PRKN: variants seen among roughly 807,000 people sequenced by gnomAD.
PRKN encodes E3 ubiquitin-protein ligase parkin.
In PRKN, 56 loss-of-function variants were observed where a neutral mutation model predicts 59.5. The observed-to-expected ratio is 0.94, with a 90% CI of 0.76 to 1.18. PRKN has a LOEUF of 1.18. Ranked by LOEUF, PRKN falls within the 50% of genes most tolerant of loss-of-function variation. PRKN has a pLI of 0.00. For synonymous variants in PRKN, 250 were observed against 222.1 expected (o/e 1.13, Z -1.12); for missense variants, 657 against 596.4 (o/e 1.10, Z -1.06).
chr6:161,449,794 A>G (rs1230606010), intron 9 of PRKN, among the ~76,000 whole-genome samples: 1 of 152,184 alleles, frequency 6.6e-6, no homozygotes, highest in Non-Finnish European at 1.5e-5. Context: ...AATGACATTC[A>G]TGGTTATTGT....
In PRKN at chr6:161,785,823, C is replaced by T. The variant is rs1285127997; in HGVS notation, c.820G>A (p.Asp274Asn). 1.2e-6 allele frequency: 2 copies of T among 1,614,152 alleles called. No individual in the cohort carries two copies. The highest frequency in any genetic ancestry group is 1.7e-6 in the Non-Finnish European group (2 of 1,180,010). The change falls in exon 7 of 12, where the codon GAT becomes AAT. Residue 274 changes from aspartate to asparagine, a missense_variant. By Grantham distance (23) the Asp-to-Asn change is conservative (BLOSUM62 1). Coordinates refer to ENST00000366898, the MANE Select transcript of PRKN (RefSeq NM_004562.3). ...FHLYCVTRLN[D>N]RQFVHDPQLG... ...TGAGGGTCGTGAACAAACTGCCGAT[C>T]ATTGAGTCTTGTCACACAGTATAAG...
rs997374136 is a variant in PRKN, at chr6:161,460,789, C to T, written c.1084-73912G>A. On this transcript the variant is annotated intron_variant, in intron 9 of 11. Coordinates refer to ENST00000366898, the MANE Select transcript of PRKN (RefSeq NM_004562.3). The surrounding 1 kb of genome is among the most constrained non-coding windows in gnomAD (Gnocchi z 5.0). ...TTCTTCAGATGGAGTCTCGTTCTGT[C>T]GCCAGGCTGGAGTGCAGTGTCACAA... Among the ~76,000 whole-genome samples, 2 of 150,394 alleles carry T rather than the reference C, an allele frequency of 1.3e-5. No individual in the cohort carries two copies. The highest frequency in any genetic ancestry group is 4.9e-5 in the African/African-American group (2 of 40,844).
At chr6:162,006,478 C>G (rs1782259379) in intron 5 of PRKN, among the ~76,000 whole-genome samples, 1 of 152,172 alleles carries the variant, frequency 6.6e-6, no homozygotes. Context: ...TGACTATCCT[C>G]TAGTGTTCCA....
intron 1 of PRKN, among the ~76,000 whole-genome samples, chr6:162,614,735 T>G (rs1279019507): frequency 6.6e-6 from 1 of 152,184 alleles, no homozygotes; most frequent in Non-Finnish European, 1.5e-5. Context: ...ATTTTCCAGA[T>G]TTGTGAACTC....
chr6:162,472,209 CT>C (rs10577864), intron 1 of PRKN, among the ~76,000 whole-genome samples: 10 of 151,248 alleles, frequency 6.6e-5, no homozygotes, highest in African/African-American at 2.2e-4. Context: ...CAAACTCAAA[CT>C]TTTTTTTTAT....
intron 4 of PRKN, among the ~76,000 whole-genome samples, chr6:162,076,091 C>A (rs570460054): frequency 7.3e-4 from 111 of 151,770 alleles, no homozygotes; most frequent in African/African-American, 2.5e-3. Flanking sequence ...GCCTCAACCT[C>A]CCTAGTAGCT....
At chr6:162,567,886 C>T (rs1162776924) in intron 1 of PRKN, among the ~76,000 whole-genome samples, 4 of 152,086 alleles carry the variant, frequency 2.6e-5, no homozygotes, top group Non-Finnish European at 5.9e-5. Flanking sequence ...CTATTGTAAG[C>T]AAAACAGCAT....
At position 161,350,624 on chromosome 6, in the gene PRKN, T is replaced by A. The variant is rs1186756421; in HGVS notation, c.1286-413A>T. 7.0e-5 allele frequency among the ~76,000 whole-genome samples: 8 copies of A among 114,818 alleles called. 1 individual carries two copies. Among genetic ancestry groups the A allele is most frequent in the East Asian group, 2.3e-4 (1 of 4,294 alleles). The allele number at this position is 114,818 out of a possible 152,430, so 75.3% of individuals were successfully genotyped here. A position where few individuals can be genotyped will look rare whatever the true frequency, so the allele number is the denominator to read the frequency against. ...ATATTTATATTTAAAATATATATATTTTTATATATTTATATTTAAAATATA... is the reference window on the plus strand; with the variant it reads ...ATATTTATATTTAAAATATATATATATTTATATATTTATATTTAAAATATA... On this transcript the variant is annotated intron_variant, in intron 11 of 11. Coordinates refer to ENST00000366898, the MANE Select transcript of PRKN (RefSeq NM_004562.3).
chr6:162,459,422 T>C (rs1235012315), intron 1 of PRKN, among the ~76,000 whole-genome samples: 2 of 152,172 alleles, frequency 1.3e-5, no homozygotes, highest in African/African-American at 4.8e-5. Context: ...TTTAATGAAA[T>C]TGTCAGTTAG....
intron 4 of PRKN, among the ~76,000 whole-genome samples, chr6:162,199,845 C>CA (rs899418831): frequency 1.2e-4 from 18 of 152,212 alleles, no homozygotes; most frequent in African/African-American, 4.3e-4. Context: ...TTAGGTGGAT[C>CA]TTTTGAGTTC....
rs115037498 is a variant in PRKN, at chr6:161,479,260, G to A, written c.1083+69594C>T. On this transcript the variant is annotated intron_variant, in intron 9 of 11. Coordinates refer to ENST00000366898, the MANE Select transcript of PRKN (RefSeq NM_004562.3). ...GTACGTACATGCCCATAATAGAGCA[G>A]TTCATAAAACACTATCTACGCATTC... Among the ~76,000 whole-genome samples, 952 of 152,152 alleles carry A rather than the reference G, an allele frequency of 6.3e-3. 11 individuals carry two copies. The highest frequency in any genetic ancestry group is 0.021 in the African/African-American group (880 of 41,500).
At chr6:162,228,177 T>C (rs1392920769) in intron 3 of PRKN, among the ~76,000 whole-genome samples, 1 of 152,202 alleles carries the variant, frequency 6.6e-6, no homozygotes, top group Non-Finnish European at 1.5e-5. Flanking sequence ...TTATTTCTAC[T>C]GAAGCAGGTA....
intron 3 of PRKN, among the ~76,000 whole-genome samples, chr6:162,249,180 A>G (rs1754350704): frequency 6.6e-6 from 1 of 152,168 alleles, no homozygotes; most frequent in Admixed American, 6.6e-5. Flanking sequence ...CTGCTTTTGC[A>G]TATAAAATTT....
intron 2 of PRKN, among the ~76,000 whole-genome samples, chr6:162,272,639 A>T (rs1449819071): frequency 6.6e-6 from 1 of 152,082 alleles, no homozygotes; most frequent in Non-Finnish European, 1.5e-5. Flanking sequence ...AACACTCAAA[A>T]TCATATACCT....
At chr6:161,683,141 G>C (rs73597167) in intron 7 of PRKN, among the ~76,000 whole-genome samples, 8,423 of 152,246 alleles carry the variant, frequency 0.055, 549 homozygotes, top group African/African-American at 0.15. Flanking sequence ...CATCGTAGTA[G>C]AGCAGGTCCT....
At chr6:162,106,378 A>T (rs1780194075) in intron 4 of PRKN, among the ~76,000 whole-genome samples, 2 of 149,918 alleles carry the variant, frequency 1.3e-5, no homozygotes, top group Non-Finnish European at 3.0e-5. Context: ...AACAGAACTG[A>T]GGACATGAGA....
intron 3 of PRKN, among the ~76,000 whole-genome samples, chr6:162,209,110 T>C (rs976284179): frequency 6.6e-6 from 1 of 152,094 alleles, no homozygotes; most frequent in African/African-American, 2.4e-5. Flanking sequence ...GATCTCATTA[T>C]ACTAAAGAGC....
Position 161,510,772 on chromosome 6 carries a change from GCAAAT to G in PRKN, c.1083+38077_1083+38081del, listed in dbSNP as rs1450687498. Among the ~76,000 whole-genome samples the G allele has an allele frequency of 1.7e-4, 26 of 152,264 alleles. 1 individual carries two copies. The highest frequency in any genetic ancestry group is 6.0e-4 in the African/African-American group (25 of 41,548). Reference sequence around the variant, plus strand: ...GACTTCCAATGTTCTATTTGTAAAAGCAAATGATAGAGGATATAATCCTTTATCAT... The same window carrying G: ...GACTTCCAATGTTCTATTTGTAAAAGGATAGAGGATATAATCCTTTATCAT... On this transcript the variant is annotated intron_variant, in intron 9 of 11. Transcript: ENST00000366898.
chr6:162,531,504 T>C (rs1420495677), intron 1 of PRKN, among the ~76,000 whole-genome samples: 1 of 152,070 alleles, frequency 6.6e-6, no homozygotes, highest in Non-Finnish European at 1.5e-5. Flanking sequence ...GGAGTGCTGA[T>C]TGGCCAGAGA....
Sources: gnomAD v4.1 joint callset for allele counts (sites outside exome capture counted in the v4.1 genomes callset) on GRCh38, gnomAD v4.1.1 for gene constraint, Gnocchi (gnomAD v3.1) non-coding constraint, MANE v1.5 for transcripts, NCBI Gene and HGNC (gene_info 2026-07-23, HGNC 2026-07-21) for gene names.